Variants in KLF13 observed in about 807,000 individuals in gnomAD.
The protein encoded by KLF13 is Krueppel-like factor 13.
Under a neutral mutation model 16.7 loss-of-function variants are expected in KLF13, and 8 were observed. The ratio of observed to expected loss-of-function variants is 0.48; its 90% CI spans 0.28 to 0.87. The LOEUF is 0.87. Among genes scored for constraint, KLF13 ranks in the 40% least tolerant of loss-of-function variants. KLF13 has a pLI of 0.10. For synonymous variants in KLF13, 245 were observed against 208.4 expected (o/e 1.18, Z -1.51); for missense variants, 447 against 452.2 (o/e 0.99, Z 0.10).
intron 1 of KLF13, among the ~76,000 whole-genome samples, chr15:31,329,967 G>A (rs1432917646): frequency 3.3e-5 from 5 of 152,146 alleles, no homozygotes; most frequent in African/African-American, 1.2e-4. Context: ...GGTACCCCAG[G>A]TGACCCATTA....
chr15:31,420,154 A>C (rs6493659), intron 1 of KLF13: 443,125 of 478,362 alleles, frequency 0.93, 205,612 homozygotes, highest in East Asian at 1. Context: ...ATAACCCAGC[A>C]GCCACTAGTG....
intron 1 of KLF13, among the ~76,000 whole-genome samples, chr15:31,347,218 A>C (rs909322122): frequency 1.3e-5 from 2 of 152,192 alleles, no homozygotes; most frequent in African/African-American, 4.8e-5. Context: ...CTTCTTTGGC[A>C]GGGCCTGGGA....
At chr15:31,396,181 A>G (rs986144790) in intron 2 of KLF13, among the ~76,000 whole-genome samples, 8 of 152,018 alleles carry the variant, frequency 5.3e-5, no homozygotes, top group African/African-American at 9.7e-5. Context: ...ATGCGCTACC[A>G]CGCCCGGCTA....
chr15:31,429,695 TTTTATTTATTTA>T (rs201016352), intron 1 of KLF13, among the ~76,000 whole-genome samples: 10,229 of 137,604 alleles, frequency 0.074, 523 homozygotes, highest in African/African-American at 0.14. Flanking sequence ...AGAAAGATTC[TTTTATTTATTTA>T]TTTATTTATT....
At chr15:31,396,534 T>C (rs59046450) in intron 2 of KLF13, among the ~76,000 whole-genome samples, 66 of 152,286 alleles carry the variant, frequency 4.3e-4, no homozygotes, top group African/African-American at 8.9e-4. Flanking sequence ...GATGAAATCT[T>C]AGGGAGTCGA....
At chr15:31,420,679 T>TC in intron 1 of KLF13, 1 of 329,088 alleles carries the variant, frequency 3.0e-6, no homozygotes, top group Non-Finnish European at 5.8e-6. Flanking sequence ...GCCCAGACTG[T>TC]CCTTTTTTTT....
chr15:31,389,144 C>A (rs1375147101), upstream of KLF13, among the ~76,000 whole-genome samples: 1 of 152,112 alleles, frequency 6.6e-6, no homozygotes, highest in Non-Finnish European at 1.5e-5. Context: ...GCCTACTCAA[C>A]ATGAAGACAA....
Position 31,372,512 on chromosome 15 carries a change from C to CA in KLF13, c.*216dup. ...CCAAATTGCACAATAGATACACCCACAAAGTTGAGATTCAGCGTTGTTGAA... is the reference window on the plus strand; with the variant it reads ...CCAAATTGCACAATAGATACACCCACAAAAGTTGAGATTCAGCGTTGTTGAA... On this transcript the variant is annotated 3_prime_UTR_variant, in exon 2 of 2. Transcript: ENST00000307145. 7 of 557,884 alleles carry CA rather than the reference C, an allele frequency of 1.3e-5. No individual in the cohort carries two copies. The South Asian group carries it at 2.1e-4, about 17-fold the overall frequency. The allele number at this position is 557,884 out of a possible 1,614,324, so 34.6% of individuals were successfully genotyped here. A position where few individuals can be genotyped will look rare whatever the true frequency, so the allele number is the denominator to read the frequency against.
chr15:31,334,359 T>A (rs934790262), intron 1 of KLF13, among the ~76,000 whole-genome samples: 1 of 152,112 alleles, frequency 6.6e-6, no homozygotes, highest in African/African-American at 2.4e-5. Flanking sequence ...GGTGAGTCTT[T>A]ATGTGCTTTC....
At chr15:31,357,683 C>T (rs74010620) in intron 1 of KLF13, among the ~76,000 whole-genome samples, 1 of 152,012 alleles carries the variant, frequency 6.6e-6, no homozygotes, top group Admixed American at 6.6e-5. Flanking sequence ...CCTGTGTAGA[C>T]CCTCCCAGAA....
chr15:31,402,507 G>A (rs1336573380), intron 2 of KLF13, among the ~76,000 whole-genome samples: 1 of 152,222 alleles, frequency 6.6e-6, no homozygotes, highest in Non-Finnish European at 1.5e-5. Flanking sequence ...GGCTCAATGT[G>A]GAGAAGACAC....
upstream of KLF13, among the ~76,000 whole-genome samples, chr15:31,391,068 G>A: frequency 1.6e-5 from 2 of 128,360 alleles, no homozygotes; most frequent in Admixed American, 7.9e-5. Flanking sequence ...GGGGTGGAGG[G>A]CTGTGGGGAC....
chr15:31,380,261 CA>C (rs1223030702), downstream of KLF13, among the ~76,000 whole-genome samples: 1 of 152,182 alleles, frequency 6.6e-6, no homozygotes, highest in East Asian at 1.9e-4. Flanking sequence ...AACTGCACTT[CA>C]GCATGGACAA....
intron 1 of KLF13, among the ~76,000 whole-genome samples, chr15:31,365,298 G>A (rs955142666): frequency 6.6e-6 from 1 of 152,176 alleles, no homozygotes; most frequent in Non-Finnish European, 1.5e-5. Context: ...ATGGACCCTT[G>A]CGCTCCAGAG....
chr15:31,327,937 A>C (rs1408899982), intron 1 of KLF13, 148 bp downstream of exon 1: 1 of 965,196 alleles, frequency 1.0e-6, no homozygotes, highest in Non-Finnish European at 1.3e-6. Flanking sequence ...TGCCGCTCCG[A>C]CCCGCGGCTG....
intron 1 of KLF13, among the ~76,000 whole-genome samples, chr15:31,348,053 G>T (rs1566810531): frequency 6.6e-6 from 1 of 152,210 alleles, no homozygotes; most frequent in Non-Finnish European, 1.5e-5. Flanking sequence ...ACTTTCAGGG[G>T]GGTTTATTTC....
In KLF13 at chr15:31,372,270, C is replaced by A; in HGVS notation, c.838C>A (p.Pro280Thr). Residue 280 changes from proline to threonine, a missense_variant, in exon 2 of 2, where the codon CCC becomes ACC. Around this residue, in one of 2 missense-constraint regions of KLF13, gnomAD observed 88 missense variants for 169.5 expected, o/e 0.52. Coordinates refer to ENST00000307145, the MANE Select transcript of KLF13 (RefSeq NM_015995.4). The part of the protein sequence containing the change: ...SDYSRSDASS[P>T]TISPASSP ...CTACAGCCGCTCCGACGCCAGCAGCCCCACCATCAGCCCGGCCAGCTCGCC... is the reference window on the plus strand; with the variant it reads ...CTACAGCCGCTCCGACGCCAGCAGCACCACCATCAGCCCGGCCAGCTCGCC... The A allele has an allele frequency of 2.0e-6, 3 of 1,516,444 alleles. No individual in the cohort carries two copies. The highest frequency in any genetic ancestry group is 2.6e-6 in the Non-Finnish European group (3 of 1,136,320). The allele number at this position is 1,516,444 out of a possible 1,614,324, so 93.9% of individuals were successfully genotyped here.
chr15:31,414,594 A>G (rs1187747038), intron 1 of KLF13, among the ~76,000 whole-genome samples: 3 of 152,216 alleles, frequency 2.0e-5, no homozygotes, highest in Non-Finnish European at 2.9e-5. Context: ...GACAAAATAT[A>G]CTTTAAAACA....
In KLF13 at chr15:31,372,610, A is replaced by G. The variant is rs530703085; in HGVS notation, c.*311A>G. On this transcript the variant is annotated 3_prime_UTR_variant, in exon 2 of 2. Transcript: ENST00000307145. ...CCCTTCCTGCCGCCTTACTCTGTAC[A>G]TAGATTTGCACTCTGGAGTTTTCTG... The G allele has an allele frequency of 2.8e-5, 10 of 361,846 alleles. No homozygotes were observed. In the Admixed American group the frequency reaches 4.0e-4, roughly 14 times the overall value. 22.4% of individuals were successfully genotyped at this position (361,846 alleles called of 1,614,324 possible). A position where few individuals can be genotyped will look rare whatever the true frequency, so the allele number is the denominator to read the frequency against.
Sources: gnomAD v4.1 joint callset for allele counts (sites outside exome capture counted in the v4.1 genomes callset) on GRCh38, gnomAD v4.1.1 for gene constraint, gnomAD v4.1.1 regional missense constraint, MANE v1.5 for transcripts, NCBI Gene and HGNC (gene_info 2026-07-23, HGNC 2026-07-21) for gene names.